Variants in RAD51B observed in about 807,000 individuals in gnomAD.
RAD51B encodes the protein DNA repair protein RAD51 homolog 2.
In RAD51B, 38 loss-of-function variants were observed where a neutral mutation model predicts 42.2. The observed-to-expected ratio is 0.90, with a 90% CI of 0.70 to 1.18. The LOEUF (loss-of-function observed/expected upper bound fraction) is 1.18. Ranked by LOEUF, RAD51B falls within the 50% of genes most tolerant of loss-of-function variation. The pLI, the probability that RAD51B is intolerant of heterozygous loss-of-function variation, is 0.00. For synonymous variants in RAD51B, 154 were observed against 145.2 expected, an observed-to-expected ratio of 1.06 and a Z score of -0.43; for missense variants, 373 against 400.7, an observed-to-expected ratio of 0.93 and a Z score of 0.59.
At chr14:68,069,684 A>G (rs1452767206) in intron 7 of RAD51B, 1 of 152,154 alleles carries the variant, frequency 6.6e-6, no homozygotes, top group Admixed American at 6.5e-5. Flanking sequence ...CTAATCTACC[A>G]TTGCTGTGCA....
At chr14:68,180,366 G>A (rs1022949015) in intron 7 of RAD51B, among the ~76,000 whole-genome samples, 1 of 152,154 alleles carries the variant, frequency 6.6e-6, no homozygotes, top group Non-Finnish European at 1.5e-5. Flanking sequence ...TTGGGAGTAG[G>A]AGGCCACTCT....
intron 7 of RAD51B, among the ~76,000 whole-genome samples, chr14:68,168,860 T>C (rs1393796670): frequency 6.6e-6 from 1 of 152,152 alleles, no homozygotes; most frequent in African/African-American, 2.4e-5. Flanking sequence ...GTGAACATGA[T>C]GTTCATGAAA....
intron 7 of RAD51B, among the ~76,000 whole-genome samples, chr14:68,175,600 C>T (rs1453615045): frequency 2.0e-5 from 3 of 152,168 alleles, no homozygotes; most frequent in African/African-American, 7.2e-5. Context: ...ACTAAGTGTG[C>T]CCATGTCTCA....
At chr14:68,444,616 A>T (rs2085380084) in intron 9 of RAD51B, among the ~76,000 whole-genome samples, 1 of 152,348 alleles carries the variant, frequency 6.6e-6, no homozygotes, top group East Asian at 1.9e-4. Flanking sequence ...CTACCCTGGG[A>T]TGCAGAAACT....
chr14:67,970,223 C>T (rs2074869496), intron 7 of RAD51B, among the ~76,000 whole-genome samples: 1 of 152,126 alleles, frequency 6.6e-6, no homozygotes, highest in Non-Finnish European at 1.5e-5. Context: ...AAAGATTCTA[C>T]ACAAATTAAT....
At chr14:68,027,483 G>T (rs1390133406) in intron 7 of RAD51B, among the ~76,000 whole-genome samples, 2 of 152,028 alleles carry the variant, frequency 1.3e-5, no homozygotes, top group African/African-American at 4.8e-5. Context: ...GTGAGTCATA[G>T]ATTTGATCTC....
rs79133058 is a variant in RAD51B, at chr14:68,287,425, C to G, written c.757-4459C>G. 9.9e-3 allele frequency among the ~76,000 whole-genome samples: 1,510 copies of G among 152,254 alleles called. 29 individuals carry two copies. The highest frequency in any genetic ancestry group is 0.057 in the East Asian group (295 of 5,180). The stretch of plus-strand genomic sequence containing the variant: ...GTTACTTTATACAAATATAGGGTTT[C>G]TTGTTCCTTCTAATAGGTGGATGGT... On this transcript the variant is annotated intron_variant, in intron 7 of 10. Transcript: ENST00000471583.
At chr14:68,188,387 T>TC (rs927735501) in intron 7 of RAD51B, among the ~76,000 whole-genome samples, 2 of 150,946 alleles carry the variant, frequency 1.3e-5, no homozygotes, top group Non-Finnish European at 3.0e-5. Context: ...TCCTTGTTTT[T>TC]CCCTCCTCCC....
At chr14:68,397,661 G>C (rs902945209) in intron 8 of RAD51B, among the ~76,000 whole-genome samples, 1 of 152,182 alleles carries the variant, frequency 6.6e-6, no homozygotes, top group Non-Finnish European at 1.5e-5. Context: ...TGGTGGCCAT[G>C]GGGACACCCC....
In RAD51B at chr14:67,856,682, C is replaced by G. The variant is rs559627289; in HGVS notation, c.316-8321C>G. Among the ~76,000 whole-genome samples, 38 of 152,188 alleles carry G rather than the reference C, an allele frequency of 2.5e-4. No individual in the cohort carries two copies. The Middle Eastern group carries it at 0.024, about 95-fold the overall frequency. ...ATAAGATTTTAGGTCCTAACTGGACCAGATTTTACATTCCTCTCAGCCATG... is the reference window on the plus strand; with the variant it reads ...ATAAGATTTTAGGTCCTAACTGGACGAGATTTTACATTCCTCTCAGCCATG... On this transcript the variant is annotated intron_variant, in intron 4 of 10. Coordinates refer to ENST00000471583, the MANE Select transcript of RAD51B (RefSeq NM_133510.4).
intron 7 of RAD51B, among the ~76,000 whole-genome samples, chr14:68,207,458 G>A (rs145481129): frequency 2.2e-4 from 34 of 152,284 alleles, no homozygotes; most frequent in African/African-American, 7.7e-4. Flanking sequence ...ATGACAGGGT[G>A]AAGCATAGTG....
At chr14:68,473,279 C>T (rs1419319581) in intron 10 of RAD51B, among the ~76,000 whole-genome samples, 2 of 152,202 alleles carry the variant, frequency 1.3e-5, no homozygotes, top group Non-Finnish European at 2.9e-5. Flanking sequence ...AACTCCTCTC[C>T]CAGAGGTCAT....
At chr14:68,302,280 C>T (rs2081757381) in intron 8 of RAD51B, among the ~76,000 whole-genome samples, 1 of 152,164 alleles carries the variant, frequency 6.6e-6, no homozygotes. Context: ...AGGGCTGTGG[C>T]TATGACGGAC....
intron 7 of RAD51B, among the ~76,000 whole-genome samples, chr14:68,189,507 T>C (rs2079221499): frequency 6.6e-6 from 1 of 152,186 alleles, no homozygotes; most frequent in Non-Finnish European, 1.5e-5. Context: ...AAAACAAATT[T>C]CATCCATTTT....
intron 7 of RAD51B, among the ~76,000 whole-genome samples, chr14:68,086,568 A>G (rs1380628763): frequency 1.3e-5 from 2 of 152,086 alleles, no homozygotes; most frequent in Non-Finnish European, 2.9e-5. Flanking sequence ...TCTGTATGGG[A>G]TGCAGGGAGG....
chr14:68,117,993 T>G (rs2077578952), intron 7 of RAD51B, among the ~76,000 whole-genome samples: 2 of 152,210 alleles, frequency 1.3e-5, no homozygotes, highest in Admixed American at 6.5e-5. Flanking sequence ...GCAAAGAAAT[T>G]TATTACCCAA....
chr14:67,910,653 AG>A (rs1169163719), intron 7 of RAD51B, among the ~76,000 whole-genome samples: 1 of 151,994 alleles, frequency 6.6e-6, no homozygotes, highest in Admixed American at 6.6e-5. Flanking sequence ...GACTTTGATT[AG>A]GTACCAATTG....
At chr14:67,846,132 G>A (rs947120965) in intron 4 of RAD51B, among the ~76,000 whole-genome samples, 4 of 152,166 alleles carry the variant, frequency 2.6e-5, no homozygotes, top group Non-Finnish European at 5.9e-5. Context: ...CAGCAGCTGC[G>A]TTATGGTGGG....
chr14:68,358,337 G>A (rs2082949805), intron 8 of RAD51B, among the ~76,000 whole-genome samples: 1 of 152,242 alleles, frequency 6.6e-6, no homozygotes, highest in African/African-American at 2.4e-5. Flanking sequence ...CATCTGCAAA[G>A]TGCAATACAG....
Sources: allele counts gnomAD v4.1 joint callset (sites outside exome capture counted in the v4.1 genomes callset), GRCh38; gene constraint gnomAD v4.1.1; transcripts MANE v1.5; gene names NCBI Gene and HGNC (gene_info 2026-07-23, HGNC 2026-07-21).